Variants in GRIK1 observed in about 807,000 individuals in gnomAD.
GRIK1 encodes glutamate ionotropic receptor kainate type subunit 1.
Under a neutral mutation model 105.7 loss-of-function variants are expected in GRIK1, and 69 were observed. The observed-to-expected ratio is 0.65, with a 90% CI of 0.54 to 0.80. GRIK1 has a LOEUF of 0.80. Among genes scored for constraint, GRIK1 ranks in the 30% least tolerant of loss-of-function variants. The pLI is 0.00. For synonymous variants in GRIK1, 438 were observed against 431.3 expected (o/e 1.02, Z -0.19); for missense variants, 1,109 against 1,167.3 (o/e 0.95, Z 0.73).
chr21:29,873,663 T>C (rs2069095604), intron 1 of GRIK1, among the ~76,000 whole-genome samples: 1 of 152,252 alleles, frequency 6.6e-6, no homozygotes, highest in Non-Finnish European at 1.5e-5. Flanking sequence ...ACAGTGTTTC[T>C]CAGGATATAC....
intron 3 of GRIK1, among the ~76,000 whole-genome samples, chr21:29,685,754 A>G (rs898534213): frequency 2.6e-5 from 4 of 152,206 alleles, no homozygotes; most frequent in Non-Finnish European, 5.9e-5. Context: ...GAACTGAAAA[A>G]GACTGGAAAG....
intron 7 of GRIK1, among the ~76,000 whole-genome samples, chr21:29,616,454 G>A (rs2061854020): frequency 6.6e-6 from 1 of 152,178 alleles, no homozygotes; most frequent in Non-Finnish European, 1.5e-5. Flanking sequence ...GCCCATCTGA[G>A]CACAAAGACA....
intron 1 of GRIK1, among the ~76,000 whole-genome samples, chr21:29,803,446 C>G (rs1010387654): frequency 6.6e-6 from 1 of 152,094 alleles, no homozygotes; most frequent in African/African-American, 2.4e-5. Flanking sequence ...TATCCTGGAA[C>G]AGGATTCAGA....
intron 16 of GRIK1, among the ~76,000 whole-genome samples, chr21:29,540,276 A>G (rs1014460090): frequency 1.3e-5 from 2 of 152,210 alleles, no homozygotes; most frequent in African/African-American, 2.4e-5. Context: ...GACTAACTCC[A>G]AGTATTTATT....
chr21:29,558,723 T>A lies in GRIK1; in HGVS notation c.2356+2901A>T, dbSNP rs565872966. The stretch of plus-strand genomic sequence containing the variant: ...TATATGTATATTTATATATATATTT[T>A]TTTGTATTATATGTATATTTAATAT... On this transcript the variant is annotated intron_variant, in intron 15 of 17. Coordinates refer to ENST00000327783, the MANE Select transcript of GRIK1 (RefSeq NM_001330994.2). 4.0e-5 allele frequency among the ~76,000 whole-genome samples: 6 copies of A among 150,320 alleles called. No homozygotes were observed. In the South Asian group the frequency reaches 6.2e-4, roughly 16 times the overall value.
At chr21:29,810,369 C>A (rs905580128) in intron 1 of GRIK1, among the ~76,000 whole-genome samples, 3 of 151,680 alleles carry the variant, frequency 2.0e-5, no homozygotes, top group Non-Finnish European at 2.9e-5. Context: ...CAAGAATTAC[C>A]GAAATGTGAT....
chr21:29,829,389 A>G (rs1177937546), intron 1 of GRIK1, among the ~76,000 whole-genome samples: 2 of 152,202 alleles, frequency 1.3e-5, no homozygotes, highest in Admixed American at 6.6e-5. Context: ...AGTCAGGTGT[A>G]ATATTTTATG....
intron 1 of GRIK1, among the ~76,000 whole-genome samples, chr21:29,766,414 C>G (rs1414611378): frequency 6.6e-6 from 1 of 152,046 alleles, no homozygotes; most frequent in Non-Finnish European, 1.5e-5. Context: ...CAGGGCAGCC[C>G]CCCACAATGA....
intron 1 of GRIK1, among the ~76,000 whole-genome samples, chr21:29,906,825 A>G (rs1245540581): frequency 6.6e-6 from 1 of 152,158 alleles, no homozygotes; most frequent in Non-Finnish European, 1.5e-5. Context: ...CCATTTTAGT[A>G]AATTTTATTT....
At chr21:29,678,920 C>T (rs2063323225) in intron 3 of GRIK1, among the ~76,000 whole-genome samples, 1 of 152,122 alleles carries the variant, frequency 6.6e-6, no homozygotes, top group Non-Finnish European at 1.5e-5. Flanking sequence ...AGGCTTCTGT[C>T]AAGATTCTTA....
At chr21:29,702,243 T>A (rs1436356250) in intron 1 of GRIK1, among the ~76,000 whole-genome samples, 1 of 152,166 alleles carries the variant, frequency 6.6e-6, no homozygotes, top group African/African-American at 2.4e-5. Flanking sequence ...CAACCCACCA[T>A]GACACATATT....
At chr21:29,761,415 T>C (rs940900355) in intron 1 of GRIK1, 3 of 152,188 alleles carry the variant, frequency 2.0e-5, no homozygotes, top group African/African-American at 7.2e-5. Context: ...CTTGCTCTCT[T>C]TGAGGTACTG....
intron 3 of GRIK1, among the ~76,000 whole-genome samples, chr21:29,680,299 T>A (rs1317626678): frequency 6.6e-6 from 1 of 152,190 alleles, no homozygotes; most frequent in Non-Finnish European, 1.5e-5. Context: ...GAGGACATGA[T>A]CATATATAAT....
At chr21:29,726,412 A>G (rs1228088496) in intron 1 of GRIK1, among the ~76,000 whole-genome samples, 3 of 152,200 alleles carry the variant, frequency 2.0e-5, no homozygotes, top group Non-Finnish European at 4.4e-5. Flanking sequence ...CTAATTTAGA[A>G]AGTCAAAATA....
intron 1 of GRIK1, among the ~76,000 whole-genome samples, chr21:29,879,681 T>C (rs1418029114): frequency 6.6e-6 from 1 of 152,134 alleles, no homozygotes; most frequent in Non-Finnish European, 1.5e-5. Flanking sequence ...GTAGAACAAT[T>C]AGCAGTCCCG....
intron 1 of GRIK1, among the ~76,000 whole-genome samples, chr21:29,847,900 T>TCTCTCTCTCTCTCCCTCTCTCTC (rs1164282964): frequency 1.9e-4 from 28 of 150,446 alleles, no homozygotes; most frequent in South Asian, 6.3e-4. Context: ...GTTTCTCTCT[T>TCTCTCTCTCTCTCCCTCTCTCTC]TCTCTCTCTC....
intron 1 of GRIK1, among the ~76,000 whole-genome samples, chr21:29,716,096 T>C (rs1012466961): frequency 3.9e-5 from 6 of 152,122 alleles, no homozygotes; most frequent in African/African-American, 1.4e-4. Context: ...TTGGCACTTC[T>C]CCTTTCTGCC....
At chr21:29,861,915 G>A (rs1418806493) in intron 1 of GRIK1, among the ~76,000 whole-genome samples, 1 of 152,090 alleles carries the variant, frequency 6.6e-6, no homozygotes, top group Non-Finnish European at 1.5e-5. Flanking sequence ...ATATTGTTTT[G>A]TAGTCCTTGT....
chr21:29,716,319 T>C (rs986976336), intron 1 of GRIK1, among the ~76,000 whole-genome samples: 1 of 152,098 alleles, frequency 6.6e-6, no homozygotes, highest in African/African-American at 2.4e-5. Flanking sequence ...TCCAAAAATG[T>C]GGAAGCAACT....
Sources: gnomAD v4.1 joint callset for allele counts (sites outside exome capture counted in the v4.1 genomes callset) on GRCh38, gnomAD v4.1.1 for gene constraint, MANE v1.5 for transcripts, NCBI Gene and HGNC (gene_info 2026-07-23, HGNC 2026-07-21) for gene names.